EMC3: variants seen among roughly 807,000 people sequenced by gnomAD.
EMC3 encodes the protein 30 kDa protein.
A neutral mutation model predicts 36.6 loss-of-function variants in EMC3; 13 were observed. The ratio of observed to expected loss-of-function variants is 0.35; its 90% CI spans 0.23 to 0.56. The LOEUF (loss-of-function observed/expected upper bound fraction) is 0.56, where lower values mean the gene tolerates loss of function less well. Among genes scored for constraint, EMC3 ranks in the 20% least tolerant of loss-of-function variants. The pLI is 0.84. For synonymous variants in EMC3, 120 were observed against 111.9 expected (o/e 1.07, Z -0.46); for missense variants, 220 against 324.5 (o/e 0.68, Z 2.47).
chr3:10,000,966 T>G (rs968300640), intron 1 of EMC3: 11 of 313,046 alleles, frequency 3.5e-5, no homozygotes, highest in Middle Eastern at 1.0e-3. Flanking sequence ...CTCTTTTTAG[T>G]CCCTGGGGCC....
intron 1 of EMC3, among the ~76,000 whole-genome samples, chr3:9,982,267 T>C (rs956467761): frequency 6.6e-6 from 1 of 151,500 alleles, no homozygotes; most frequent in African/African-American, 2.4e-5. Flanking sequence ...AAATTTTCTT[T>C]TTTTTGAGAC....
At chr3:9,973,485 C>A in intron 5 of EMC3, 143 bp downstream of exon 5, 1 of 686,150 alleles carries the variant, frequency 1.5e-6, no homozygotes, top group East Asian at 2.7e-5. Context: ...TGAGCCACTG[C>A]GCCCGGCCTG....
chr3:9,993,687 G>C (rs1181113125), intron 1 of EMC3, among the ~76,000 whole-genome samples: 1 of 152,188 alleles, frequency 6.6e-6, no homozygotes, highest in Admixed American at 6.5e-5. Context: ...TAAAATTATG[G>C]TATCAATAAG....
chr3:9,974,546 T>C, intron 3 of EMC3, 58 bp from the exon 4 acceptor site: 2 of 1,203,782 alleles, frequency 1.7e-6, no homozygotes, highest in Non-Finnish European at 2.5e-6. Context: ...CCAGGGACTT[T>C]CTCCTGATTT....
intron 1 of EMC3, chr3:10,003,201 C>A: frequency 2.2e-6 from 1 of 456,706 alleles, no homozygotes; most frequent in Non-Finnish European, 4.4e-6. Flanking sequence ...CAGAAATGTC[C>A]CTGACACAGC....
chr3:9,999,474 C>T (rs1318814282), intron 1 of EMC3, among the ~76,000 whole-genome samples: 3 of 152,068 alleles, frequency 2.0e-5, no homozygotes, highest in Non-Finnish European at 2.9e-5. Flanking sequence ...CTCTTGACCT[C>T]GTGATCTGCC....
chr3:9,972,771 A>T (rs1043123947), intron 5 of EMC3, among the ~76,000 whole-genome samples: 4 of 151,834 alleles, frequency 2.6e-5, no homozygotes, highest in Non-Finnish European at 4.4e-5. Flanking sequence ...TCTTGAAAAA[A>T]AAAACCCAAA....
chr3:9,975,727 G>A (rs1275319036), intron 3 of EMC3, among the ~76,000 whole-genome samples: 6 of 150,644 alleles, frequency 4.0e-5, no homozygotes, highest in South Asian at 2.1e-4. Flanking sequence ...CAGGAGAATC[G>A]CGTGAACCCG....
intron 1 of EMC3, chr3:10,008,177 G>A (rs9837307): frequency 0.31 from 104,007 of 339,678 alleles, 21,601 homozygotes; most frequent in African/African-American, 0.74. Flanking sequence ...GCCCCCTCTG[G>A]AAGTGCTGTC....
intron 4 of EMC3, 114 bp downstream of exon 4, chr3:9,974,270 T>G (rs2085820944): frequency 1.4e-6 from 1 of 702,794 alleles, no homozygotes. Flanking sequence ...TTAAATTTTT[T>G]GTTCAAGGAC....
In EMC3 at chr3:9,963,874, C is replaced by T. The variant is rs2085712289; in HGVS notation, c.*195G>A. ...AACATTTACAACATTTTAAAAATAA[C>T]AAGTTGCCCAGCATACTCCTATTTC... On this transcript the variant is annotated 3_prime_UTR_variant, in exon 8 of 8. Coordinates refer to ENST00000245046, the MANE Select transcript of EMC3 (RefSeq NM_001394674.1). 5.4e-6 allele frequency: 4 copies of T among 745,730 alleles called. No homozygotes were observed. The highest frequency in any genetic ancestry group is 6.5e-4 in the Middle Eastern group (2 of 3,070). The allele number at this position is 745,730 out of a possible 1,614,324, so 46.2% of individuals were successfully genotyped here.
At chr3:9,986,852 C>A (rs1370412119), upstream of EMC3, 2 of 1,378,714 alleles carry the variant, frequency 1.5e-6, no homozygotes, top group African/African-American at 1.5e-5. Flanking sequence ...CCGGCGCGAA[C>A]GTTGACGTCA....
intron 1 of EMC3, chr3:10,008,203 T>C: frequency 2.7e-6 from 1 of 364,980 alleles, no homozygotes; most frequent in Non-Finnish European, 5.5e-6. Context: ...AGAGGGCACA[T>C]TCCCCAGGCG....
upstream of EMC3, among the ~76,000 whole-genome samples, chr3:9,988,899 A>T (rs888362935): frequency 5.9e-5 from 9 of 151,320 alleles, no homozygotes; most frequent in Non-Finnish European, 8.8e-5. Context: ...TGTCTGGGGA[A>T]GATAATCTGA....
chr3:9,977,055 TAA>T lies in EMC3; in HGVS notation c.214-7_214-6del, dbSNP rs76003899. On this transcript the variant is annotated splice_region_variant and splice_polypyrimidine_tract_variant and intron_variant, in intron 2 of 7. Coordinates refer to ENST00000245046, the MANE Select transcript of EMC3 (RefSeq NM_001394674.1). The stretch of plus-strand genomic sequence containing the variant: ...ATATTTTCGTGTCAAGAAAGACTAG[TAA>T]AAAAAAAAAAAAGTGTTTTAAGTCT... 2.5e-3 allele frequency: 3,246 copies of T among 1,309,618 alleles called. No individual in the cohort carries two copies. Among genetic ancestry groups the T allele is most frequent in the Admixed American group, 3.0e-3 (129 of 43,100 alleles). The allele number at this position is 1,309,618 out of a possible 1,614,324, so 81.1% of individuals were successfully genotyped here.
chr3:10,000,646 A>G, intron 1 of EMC3: 1 of 476,650 alleles, frequency 2.1e-6, no homozygotes, highest in Non-Finnish European at 4.2e-6. Context: ...ATTATTACTC[A>G]TTAGTAGCTT....
At chr3:10,005,625 AG>A (rs1214628833) in intron 1 of EMC3, among the ~76,000 whole-genome samples, 1 of 152,310 alleles carries the variant, frequency 6.6e-6, no homozygotes, top group African/African-American at 2.4e-5. Flanking sequence ...GCTGAACGCC[AG>A]GAAGTGTCCT....
chr3:9,965,520 A>C (rs997452247), intron 7 of EMC3, among the ~76,000 whole-genome samples: 1 of 152,172 alleles, frequency 6.6e-6, no homozygotes, highest in Non-Finnish European at 1.5e-5. Context: ...TTTCAGATAT[A>C]ATTTACATGT....
rs1054227846 is a variant in EMC3, at chr3:9,970,712, A to C, written c.495-51T>G. ...TGGTTAGTTATTATATCAGAGAGTA[A>C]TGCAGTTCCCACTTCCCTACCACCC... On this transcript the variant is annotated intron_variant, in intron 5 of 7. Coordinates refer to ENST00000245046, the MANE Select transcript of EMC3 (RefSeq NM_001394674.1). 1.5e-5 allele frequency: 24 copies of C among 1,586,670 alleles called. No homozygotes were observed. In the East Asian group the frequency reaches 5.4e-4, roughly 35 times the overall value.
Sources: allele counts gnomAD v4.1 joint callset (sites outside exome capture counted in the v4.1 genomes callset), GRCh38; gene constraint gnomAD v4.1.1; transcripts MANE v1.5; gene names NCBI Gene and HGNC (gene_info 2026-07-23, HGNC 2026-07-21).